FSTL5: variants seen among roughly 807,000 people sequenced by gnomAD.
The protein encoded by FSTL5 is follistatin-related protein 5.
Under a neutral mutation model 89.1 loss-of-function variants are expected in FSTL5, and 62 were observed. The ratio of observed to expected loss-of-function variants is 0.70; its 90% CI spans 0.57 to 0.86. The LOEUF is 0.86. FSTL5 is among the 40% of genes least tolerant of loss of function. FSTL5 has a pLI of 0.00. For missense variants in FSTL5, 1,057 were observed against 1,001.6 expected (o/e 1.06, Z -0.75); for synonymous variants, 383 against 346.2 (o/e 1.11, Z -1.18).
chr4:161,547,918 T>A (rs1032881252), intron 8 of FSTL5, among the ~76,000 whole-genome samples: 1 of 151,950 alleles, frequency 6.6e-6, no homozygotes, highest in East Asian at 1.9e-4. Flanking sequence ...TATTTTAAGA[T>A]TAATAAAGCA....
intron 3 of FSTL5, among the ~76,000 whole-genome samples, chr4:162,015,939 T>C (rs1736904493): frequency 6.6e-6 from 1 of 152,204 alleles, no homozygotes; most frequent in Non-Finnish European, 1.5e-5. Context: ...GTTTTTACTC[T>C]ACTTTCTTCA....
chr4:161,939,236 T>C (rs1228376219), intron 3 of FSTL5, among the ~76,000 whole-genome samples: 2 of 151,992 alleles, frequency 1.3e-5, no homozygotes, highest in Non-Finnish European at 2.9e-5. Context: ...TAAGCTTCTC[T>C]GATTTTCTTA....
At chr4:161,426,402 T>C (rs1298756313) in intron 15 of FSTL5, among the ~76,000 whole-genome samples, 2 of 152,184 alleles carry the variant, frequency 1.3e-5, no homozygotes, top group Non-Finnish European at 2.9e-5. Context: ...TAGGCAATGG[T>C]ACAGGAGAAA....
intron 4 of FSTL5, among the ~76,000 whole-genome samples, chr4:161,882,839 A>G (rs1732676440): frequency 6.6e-6 from 1 of 152,152 alleles, no homozygotes; most frequent in Non-Finnish European, 1.5e-5. Flanking sequence ...TACATAGTAG[A>G]GCAAGCAGCA....
intron 3 of FSTL5, among the ~76,000 whole-genome samples, chr4:161,934,368 A>C (rs574313810): frequency 6.6e-6 from 1 of 152,138 alleles, no homozygotes; most frequent in Non-Finnish European, 1.5e-5. Flanking sequence ...AGGTGAAGAC[A>C]TGAGTTAATG....
intron 5 of FSTL5, among the ~76,000 whole-genome samples, chr4:161,773,185 A>T (rs1387268836): frequency 6.6e-6 from 1 of 152,218 alleles, no homozygotes; most frequent in Non-Finnish European, 1.5e-5. Context: ...ACCTATACAG[A>T]AATCAACTCA....
intron 3 of FSTL5, among the ~76,000 whole-genome samples, chr4:162,005,861 T>G (rs1449098031): frequency 6.6e-6 from 1 of 152,082 alleles, no homozygotes; most frequent in East Asian, 1.9e-4. Flanking sequence ...AGTGGCTGAT[T>G]AACACAGAAA....
chr4:161,672,666 C>A (rs570139007), intron 6 of FSTL5, among the ~76,000 whole-genome samples: 1 of 146,472 alleles, frequency 6.8e-6, no homozygotes, highest in South Asian at 2.2e-4. Context: ...AAGTAAAAAG[C>A]CATAAACATA....
rs1406264957 is a variant in FSTL5, at chr4:161,540,695, C to CTAT, written c.1177+1834_1177+1836dup. On this transcript the variant is annotated intron_variant, in intron 9 of 15. Transcript: ENST00000306100. ...CCTCCCCACCAGGAGCTACTATCTT[C>CTAT]TATTTTTTTTTCCTTTCAGAATCTG... Among the ~76,000 whole-genome samples the CTAT allele has an allele frequency of 4.6e-5, 7 of 152,118 alleles. No individual in the cohort carries two copies. The East Asian group carries it at 1.4e-3, about 30-fold the overall frequency.
At chr4:162,149,052 T>C (rs1352762998) in intron 1 of FSTL5, among the ~76,000 whole-genome samples, 1 of 152,202 alleles carries the variant, frequency 6.6e-6, no homozygotes, top group Non-Finnish European at 1.5e-5. Context: ...TCATTTACCA[T>C]GTGATCATGG....
chr4:161,421,519 G>A (rs1731991639), intron 15 of FSTL5, among the ~76,000 whole-genome samples: 3 of 152,280 alleles, frequency 2.0e-5, no homozygotes, highest in African/African-American at 7.2e-5. Context: ...GTTTAAGGAG[G>A]TGTGCATGGG....
chr4:161,463,055 A>G (rs2126418044), intron 13 of FSTL5, among the ~76,000 whole-genome samples: 1 of 152,298 alleles, frequency 6.6e-6, no homozygotes, highest in African/African-American at 2.4e-5. Context: ...TGGAAAGAGA[A>G]TATTTTTAAA....
chr4:161,572,705 C>T lies in FSTL5; in HGVS notation c.1015+14750G>A, dbSNP rs1167485736. Among the ~76,000 whole-genome samples the T allele has an allele frequency of 5.9e-5, 9 of 152,102 alleles. No homozygotes were observed. The South Asian group carries it at 1.2e-3, about 21-fold the overall frequency. Reference sequence around the variant, plus strand: ...GTAACAAGTAGTGCACAGACTGGAGCAAGAACATGGAATAGCATTGTCCTA... The same window carrying T: ...GTAACAAGTAGTGCACAGACTGGAGTAAGAACATGGAATAGCATTGTCCTA... On this transcript the variant is annotated intron_variant, in intron 8 of 15. Coordinates refer to ENST00000306100, the MANE Select transcript of FSTL5 (RefSeq NM_020116.5).
chr4:161,779,821 A>ATATATGTATATATATATATATATATG (rs1741590327), intron 4 of FSTL5, among the ~76,000 whole-genome samples: 5 of 63,358 alleles, frequency 7.9e-5, no homozygotes, highest in Admixed American at 2.0e-4. Context: ...GTATATATAT[A>ATATATGTATATATATATATATATATG]TATATATATA....
At chr4:161,588,567 A>T (rs1035392400) in intron 7 of FSTL5, among the ~76,000 whole-genome samples, 1 of 152,182 alleles carries the variant, frequency 6.6e-6, no homozygotes, top group African/African-American at 2.4e-5. Flanking sequence ...AAGACCAGAA[A>T]ATTTTCTCTT....
intron 14 of FSTL5, among the ~76,000 whole-genome samples, chr4:161,458,528 T>C (rs1433108416): frequency 6.6e-6 from 1 of 152,052 alleles, no homozygotes; most frequent in East Asian, 1.9e-4. Flanking sequence ...TGTCCAAAAG[T>C]TAATAATTTG....
intron 1 of FSTL5, among the ~76,000 whole-genome samples, chr4:162,126,520 T>C (rs1003237609): frequency 2.0e-5 from 3 of 152,216 alleles, no homozygotes; most frequent in African/African-American, 7.2e-5. Context: ...GTCTAGCATA[T>C]TATTTTGATG....
At chr4:161,893,156 C>T (rs1240636992) in intron 4 of FSTL5, among the ~76,000 whole-genome samples, 1 of 152,084 alleles carries the variant, frequency 6.6e-6, no homozygotes, top group Non-Finnish European at 1.5e-5. Context: ...GATCTAAGAG[C>T]AGACAGAGCT....
At chr4:161,490,960 TAA>T (rs1305014949) in intron 12 of FSTL5, among the ~76,000 whole-genome samples, 3 of 152,170 alleles carry the variant, frequency 2.0e-5, no homozygotes, top group East Asian at 1.9e-4. Context: ...TCTTTAGAAA[TAA>T]GTGTTACTTA....
Sources: allele counts gnomAD v4.1 joint callset (sites outside exome capture counted in the v4.1 genomes callset), GRCh38; gene constraint gnomAD v4.1.1; transcripts MANE v1.5; gene names NCBI Gene and HGNC (gene_info 2026-07-23, HGNC 2026-07-21).